The following ADCK1 variants were observed in gnomAD, a reference collection of about 807,000 sequenced individuals.
The protein encoded by ADCK1 is aarF domain containing kinase 1.
In ADCK1, 41 loss-of-function variants were observed where a neutral mutation model predicts 52.3. That is an observed-to-expected ratio of 0.78 (90% CI 0.61 to 1.02). The LOEUF (loss-of-function observed/expected upper bound fraction) is 1.02, where lower values mean the gene tolerates loss of function less well. Ranked by LOEUF, ADCK1 falls within the 50% of genes least tolerant of loss-of-function variation. The probability of loss-of-function intolerance (pLI) is 0.00; values close to 1 mark genes in which losing one functional copy is unlikely to be tolerated. For missense variants in ADCK1, 658 were observed against 679.5 expected, an observed-to-expected ratio of 0.97 and a Z score of 0.35; for synonymous variants, 250 against 274.6, an observed-to-expected ratio of 0.91 and a Z score of 0.89.
In ADCK1 at chr14:77,830,134, A is replaced by G. The variant is rs1353943187; in HGVS notation, c.219+7616A>G. Among the ~76,000 whole-genome samples the G allele has an allele frequency of 2.0e-5, 3 of 150,960 alleles. No individual in the cohort carries two copies. In the South Asian group the frequency reaches 6.3e-4, roughly 32 times the overall value. On this transcript the variant is annotated intron_variant, in intron 3 of 10. Coordinates refer to ENST00000238561, the MANE Select transcript of ADCK1 (RefSeq NM_020421.4). ...TGAGAATGCTTAAAGTTATTGCATC[A>G]TTAAATTTTCTTTTTTTTTTTTAGA...
intron 5 of ADCK1, among the ~76,000 whole-genome samples, chr14:77,887,637 G>A (rs1038061285): frequency 2.6e-5 from 4 of 152,176 alleles, no homozygotes; most frequent in African/African-American, 9.7e-5. Flanking sequence ...TAACAAAAGG[G>A]AGCATGTGGT....
chr14:77,822,589 A>T (rs2081606456), intron 3 of ADCK1, 71 bp downstream of exon 3: 1 of 1,303,842 alleles, frequency 7.7e-7, no homozygotes, highest in South Asian at 1.2e-5. Flanking sequence ...TGCTCTAGTG[A>T]TCCTCCCACC....
At chr14:77,847,007 G>A (rs1172754570) in intron 3 of ADCK1, among the ~76,000 whole-genome samples, 2 of 152,228 alleles carry the variant, frequency 1.3e-5, no homozygotes, top group East Asian at 3.9e-4. Flanking sequence ...CTTGTGAGAG[G>A]GGAGAGGCGT....
intron 5 of ADCK1, among the ~76,000 whole-genome samples, chr14:77,891,290 C>A (rs1349897809): frequency 1.3e-5 from 2 of 152,142 alleles, no homozygotes; most frequent in East Asian, 1.9e-4. Context: ...GCCTACAAAC[C>A]TGATTTTTCT....
intron 1 of ADCK1, among the ~76,000 whole-genome samples, chr14:77,817,928 CG>C (rs892234356): frequency 1.7e-4 from 26 of 150,600 alleles, no homozygotes; most frequent in African/African-American, 6.1e-4. Flanking sequence ...TTAGTAGAGA[CG>C]GGGTTTCATC....
At position 77,922,460 on chromosome 14, in the gene ADCK1, C is replaced by T. The variant is rs1316691282; in HGVS notation, c.859-1997C>T. ...AATGAAAGCTAGTCTGCTCACCTTC[C>T]AGGGGTGTTATGAGGAATCGGGGGC... is the stretch of plus-strand genomic sequence containing the variant. On this transcript the variant is annotated intron_variant, in intron 7 of 10. Coordinates refer to ENST00000238561, the MANE Select transcript of ADCK1 (RefSeq NM_020421.4). Among the ~76,000 whole-genome samples the T allele has an allele frequency of 2.0e-5, 3 of 152,186 alleles. No homozygotes were observed. In the East Asian group the frequency reaches 5.8e-4, roughly 29 times the overall value.
rs1566674568 is a variant in ADCK1, at chr14:77,859,209, T to C, written c.353T>C (p.Leu118Pro). The C allele has an allele frequency of 1.2e-6, 2 of 1,614,070 alleles. No individual in the cohort carries two copies. The highest frequency in any genetic ancestry group is 2.2e-5 in the East Asian group (1 of 44,878). Residue 118 changes from leucine to proline, a missense_variant, in exon 4 of 11, where the codon CTG becomes CCG. Leu to Pro is a moderately conservative substitution (Grantham distance 98). Coordinates refer to ENST00000238561, the MANE Select transcript of ADCK1 (RefSeq NM_020421.4). ...PEEYTSTLKVLHSQAPQSSMQ... is the reference protein window; with the variant it reads ...PEEYTSTLKVPHSQAPQSSMQ... ...GAGTACACCAGCACGCTGAAGGTAC[T>C]GCACAGCCAGGCTCCACAGAGCAGC...
At chr14:77,880,160 TCCC>T (rs2082990734) in intron 4 of ADCK1, among the ~76,000 whole-genome samples, 2 of 152,164 alleles carry the variant, frequency 1.3e-5, no homozygotes, top group Non-Finnish European at 2.9e-5. Context: ...CTTCTTTTCT[TCCC>T]TACCTGTCAG....
intron 3 of ADCK1, among the ~76,000 whole-genome samples, chr14:77,836,599 T>C (rs2081964105): frequency 6.6e-6 from 1 of 152,102 alleles, no homozygotes; most frequent in Non-Finnish European, 1.5e-5. Context: ...CCTACATTTC[T>C]TAAGGCCAGA....
intron 3 of ADCK1, among the ~76,000 whole-genome samples, chr14:77,823,149 A>G (rs1385488834): frequency 1.3e-5 from 2 of 152,190 alleles, no homozygotes; most frequent in African/African-American, 4.8e-5. Context: ...GTGTTTAGAT[A>G]TCCCGGAGAC....
chr14:77,807,179 C>A lies in ADCK1; in HGVS notation c.-12+7009C>A, dbSNP rs1020990969. On this transcript the variant is annotated intron_variant, in intron 1 of 10. Transcript: ENST00000238561. The stretch of plus-strand genomic sequence containing the variant: ...CGCCTCCCGGGTCCACGCCATTCTC[C>A]TGCCTCAGCCTCCCAAGTAGCTGGG... Among the ~76,000 whole-genome samples the A allele has an allele frequency of 2.4e-4, 36 of 150,500 alleles. 1 individual carries two copies. Among genetic ancestry groups the A allele is most frequent in the African/African-American group, 8.6e-4 (35 of 40,846 alleles).
At chr14:77,839,715 C>G (rs11159296) in intron 3 of ADCK1, among the ~76,000 whole-genome samples, 4 of 151,676 alleles carry the variant, frequency 2.6e-5, no homozygotes, top group Admixed American at 2.0e-4. Flanking sequence ...AGGTGGATGA[C>G]GTGAGATCAG....
At chr14:77,931,320 G>C (rs1185578996) in intron 9 of ADCK1, among the ~76,000 whole-genome samples, 198 bp from the exon 10 acceptor site, 1 of 152,118 alleles carries the variant, frequency 6.6e-6, no homozygotes, top group Non-Finnish European at 1.5e-5. Context: ...ATCCCCTTCC[G>C]GGTTTGTCAG....
Position 77,925,905 on chromosome 14 carries a change from C to G in ADCK1, c.1150C>G (p.Arg384Gly). Residue 384 changes from arginine (R) to glycine (G), a missense_variant, in exon 9 of 11, where the codon CGA becomes GGA. Physicochemically the swap from Arg to Gly is moderately radical, Grantham distance 125. Coordinates refer to ENST00000238561, the MANE Select transcript of ADCK1 (RefSeq NM_020421.4). ...CTTGTTTGCCTGCATGCTGACGGCG[C>G]GATCGTGGGACTCGGTCAACAGAGG... ...YPLFACMLTARSWDSVNRGIS... is the reference protein window; with the variant it reads ...YPLFACMLTAGSWDSVNRGIS... 6.2e-7 allele frequency: 1 copy of G among 1,614,172 alleles called. No homozygotes were observed.
intron 6 of ADCK1, among the ~76,000 whole-genome samples, chr14:77,906,810 A>G (rs541236015): frequency 1.1e-4 from 16 of 152,328 alleles, no homozygotes; most frequent in African/African-American, 3.6e-4. Flanking sequence ...AATCAAGGAA[A>G]TAAAAACCTT....
At chr14:77,880,001 G>A (rs1243198451) in intron 4 of ADCK1, among the ~76,000 whole-genome samples, 1 of 152,206 alleles carries the variant, frequency 6.6e-6, no homozygotes, top group Non-Finnish European at 1.5e-5. Flanking sequence ...GGAAACTGAG[G>A]TACAGTGGAT....
intron 3 of ADCK1, among the ~76,000 whole-genome samples, chr14:77,832,957 C>T (rs1038967864): frequency 2.0e-5 from 3 of 152,164 alleles, no homozygotes; most frequent in Admixed American, 1.3e-4. Flanking sequence ...CATTAGCTAA[C>T]GTTAACTGAG....
chr14:77,908,748 G>T (rs534735991), intron 7 of ADCK1, among the ~76,000 whole-genome samples: 28 of 152,248 alleles, frequency 1.8e-4, no homozygotes, highest in African/African-American at 6.7e-4. Context: ...CTCGCAGGGG[G>T]ACCAGACCTA....
intron 3 of ADCK1, among the ~76,000 whole-genome samples, chr14:77,825,445 T>C (rs1207661249): frequency 2.0e-5 from 3 of 152,174 alleles, no homozygotes; most frequent in African/African-American, 7.2e-5. Context: ...CTCAGGATTA[T>C]GTAGATAATA....
Sources: allele counts gnomAD v4.1 joint callset (sites outside exome capture counted in the v4.1 genomes callset), GRCh38; gene constraint gnomAD v4.1.1; transcripts MANE v1.5; gene names NCBI Gene and HGNC (gene_info 2026-07-23, HGNC 2026-07-21).